ZNF124: variants seen among roughly 807,000 people sequenced by gnomAD.
ZNF124 encodes zinc finger protein 124.
In ZNF124, 25 loss-of-function variants were observed where a neutral mutation model predicts 26.6. The observed-to-expected ratio is 0.94, with a 90% CI of 0.68 to 1.31. The LOEUF is 1.31. ZNF124 is among the 40% of genes most tolerant of loss of function. The pLI is 0.00. For missense variants in ZNF124, 444 were observed against 422.2 expected (o/e 1.05, Z -0.45); for synonymous variants, 129 against 133.3 (o/e 0.97, Z 0.22).
At chr1:247,169,238 C>G (rs1673954668) in intron 1 of ZNF124, among the ~76,000 whole-genome samples, 1 of 152,086 alleles carries the variant, frequency 6.6e-6, no homozygotes, top group African/African-American at 2.4e-5. Flanking sequence ...ACTCACATGT[C>G]AAGTAAGACC....
chr1:247,126,442 GC>G, intron 3 of ZNF124, among the ~76,000 whole-genome samples: 1 of 21,914 alleles, frequency 4.6e-5, no homozygotes, highest in East Asian at 7.2e-4. Context: ...TGTCTCTCGT[GC>G]CCGCACGTGC....
chr1:247,160,715 C>CT (rs1357204423), intron 1 of ZNF124, among the ~76,000 whole-genome samples: 7 of 152,198 alleles, frequency 4.6e-5, no homozygotes, highest in African/African-American at 1.7e-4. Context: ...AAAACACACT[C>CT]TGAGCACTGA....
chr1:247,125,698 C>T (rs934647830), intron 3 of ZNF124, among the ~76,000 whole-genome samples: 5 of 107,262 alleles, frequency 4.7e-5, no homozygotes, highest in Admixed American at 3.9e-4. Context: ...AAAGGCGCCA[C>T]CGCACCCAGC....
chr1:247,145,774 GCC>G (rs1558378476), intron 3 of ZNF124, among the ~76,000 whole-genome samples: 19 of 151,970 alleles, frequency 1.3e-4, no homozygotes, highest in African/African-American at 4.4e-4. Flanking sequence ...GATTACAGGC[GCC>G]TACCACCATG....
chr1:247,154,959 T>C (rs897616629), downstream of ZNF124, among the ~76,000 whole-genome samples: 1 of 152,186 alleles, frequency 6.6e-6, no homozygotes, highest in Non-Finnish European at 1.5e-5. Flanking sequence ...CAATGAAATA[T>C]TCAATAATAA....
chr1:247,131,213 C>A (rs938185308), intron 3 of ZNF124, among the ~76,000 whole-genome samples: 1 of 152,150 alleles, frequency 6.6e-6, no homozygotes, highest in Non-Finnish European at 1.5e-5. Flanking sequence ...GAGAGCCAGG[C>A]GGGGAAGGGG....
intron 3 of ZNF124, among the ~76,000 whole-genome samples, chr1:247,149,221 C>G (rs1649381050): frequency 6.6e-6 from 1 of 152,004 alleles, no homozygotes; most frequent in Non-Finnish European, 1.5e-5. Flanking sequence ...AATTGTCTTC[C>G]AAAAGGGAGC....
chr1:247,125,574 G>A (rs1245347630), intron 3 of ZNF124, among the ~76,000 whole-genome samples: 2 of 151,120 alleles, frequency 1.3e-5, no homozygotes, highest in Non-Finnish European at 2.9e-5. Flanking sequence ...TGGGATTACA[G>A]GCGTCTGCCA....
intron 3 of ZNF124, among the ~76,000 whole-genome samples, chr1:247,133,653 C>CTTTTTT (rs1163588323): frequency 3.1e-5 from 4 of 127,202 alleles, no homozygotes; most frequent in African/African-American, 1.2e-4. Flanking sequence ...ATTCAATATT[C>CTTTTTT]TTTTTTTTTT....
chr1:247,159,056 C>G lies in ZNF124; in HGVS notation c.168G>C (p.Gly56=). The change falls in exon 3 of 4, where the codon GGG becomes GGC. Residue 56 remains glycine (G), a synonymous_variant. Transcript: ENST00000543802. ...FRNLASIGNK[G]EDQSIEDQYK... is the part of the protein sequence containing the mutation. ...ACTGATCTTCAATGCTCTGGTCTTC[C>G]CCTTTGTTTCCTAAAATGTAGACCC... 6.2e-7 allele frequency: 1 copy of G among 1,610,602 alleles called. No homozygotes were observed. Among genetic ancestry groups the G allele is most frequent in the Admixed American group, 1.7e-5 (1 of 59,004 alleles).
At chr1:247,166,678 G>T (rs1186114586) in intron 1 of ZNF124, among the ~76,000 whole-genome samples, 2 of 152,166 alleles carry the variant, frequency 1.3e-5, no homozygotes, top group African/African-American at 2.4e-5. Flanking sequence ...GTGAACAAAT[G>T]TCTAGAAACA....
intron 3 of ZNF124, among the ~76,000 whole-genome samples, chr1:247,142,279 G>A (rs114274151): frequency 2.0e-3 from 305 of 152,312 alleles, no homozygotes; most frequent in African/African-American, 7.1e-3. Context: ...GACACACCAT[G>A]TTAATAACAG....
At chr1:247,147,472 G>A (rs1329889005) in intron 3 of ZNF124, among the ~76,000 whole-genome samples, 2 of 152,012 alleles carry the variant, frequency 1.3e-5, no homozygotes, top group South Asian at 2.1e-4. Context: ...TGATCCACAC[G>A]GCTCGGCCTC....
chr1:247,141,649 A>G (rs978380163), intron 3 of ZNF124, among the ~76,000 whole-genome samples: 8 of 152,068 alleles, frequency 5.3e-5, no homozygotes, highest in Non-Finnish European at 8.8e-5. Context: ...CTGGGCCACT[A>G]CTGGTGGGTA....
downstream of ZNF124, among the ~76,000 whole-genome samples, chr1:247,153,250 A>C (rs1458923326): frequency 6.6e-6 from 1 of 152,216 alleles, no homozygotes; most frequent in East Asian, 1.9e-4. Context: ...GTAAATGTAC[A>C]CCAGTTAAAG....
rs536413696 is a variant in ZNF124 at position 247,147,853 on chromosome 1, C to G, written c.218+11153G>C. Among the ~76,000 whole-genome samples the G allele has an allele frequency of 2.0e-5, 3 of 150,380 alleles. No individual in the cohort carries two copies. In the East Asian group the frequency reaches 5.8e-4, roughly 29 times the overall value. The stretch of plus-strand genomic sequence containing the variant: ...AACTGTAAATTTTGGTGTAGAAACA[C>G]AAGAAGACATTGAGTTAGCCCCAAA... On this transcript the variant is annotated intron_variant, in intron 3 of 3. Transcript: ENST00000472531.
intron 3 of ZNF124, among the ~76,000 whole-genome samples, chr1:247,130,534 T>C (rs1417104103): frequency 2.6e-5 from 4 of 152,256 alleles, no homozygotes; most frequent in Non-Finnish European, 4.4e-5. Context: ...TGTCCAAGTT[T>C]AATGGCAAAT....
intron 3 of ZNF124, among the ~76,000 whole-genome samples, chr1:247,144,777 TTTC>T (rs1433708301): frequency 4.1e-4 from 53 of 129,090 alleles, no homozygotes; most frequent in African/African-American, 1.8e-3. Context: ...CTTTTCTTTC[TTTC>T]TTTTTTTTTT....
intron 3 of ZNF124, among the ~76,000 whole-genome samples, chr1:247,147,782 C>T (rs868064193): frequency 1.3e-5 from 2 of 152,090 alleles, no homozygotes; most frequent in South Asian, 2.1e-4. Context: ...TAATCCCCTC[C>T]GGCACTTAGG....
Sources: allele counts gnomAD v4.1 joint callset (sites outside exome capture counted in the v4.1 genomes callset), GRCh38; gene constraint gnomAD v4.1.1; transcripts MANE v1.5; gene names NCBI Gene and HGNC (gene_info 2026-07-23, HGNC 2026-07-21).